CNBD1: variants seen among roughly 807,000 people sequenced by gnomAD.
The protein encoded by CNBD1 is cyclic nucleotide-binding domain-containing protein 1.
A neutral mutation model predicts 54.4 loss-of-function variants in CNBD1; 71 were observed. The observed-to-expected ratio is 1.30, with a 90% CI of 1.08 to 1.59. The LOEUF (loss-of-function observed/expected upper bound fraction) is 1.59, where lower values mean the gene tolerates loss of function less well. Among genes scored for constraint, CNBD1 ranks in the 40% most tolerant of loss-of-function variants. The pLI is 0.00. For missense variants in CNBD1, 659 were observed against 518.0 expected (o/e 1.27, Z -2.64); for synonymous variants, 182 against 170.7 (o/e 1.07, Z -0.51).
intron 3 of CNBD1, among the ~76,000 whole-genome samples, chr8:86,927,117 T>A (rs1809374798): frequency 1.3e-5 from 2 of 152,146 alleles, no homozygotes; most frequent in African/African-American, 4.8e-5. Flanking sequence ...AAGAGGTGTG[T>A]GAGTTTGTTG....
chr8:86,970,071 AT>A, intron 4 of CNBD1, among the ~76,000 whole-genome samples: 1 of 152,134 alleles, frequency 6.6e-6, no homozygotes, highest in African/African-American at 2.4e-5. Flanking sequence ...TGAATATAGA[AT>A]TCTAGTTTGG....
At chr8:87,420,173 G>A (rs1202154630) in intron 2 of CNBD1, among the ~76,000 whole-genome samples, 1 of 151,208 alleles carries the variant, frequency 6.6e-6, no homozygotes, top group Non-Finnish European at 1.5e-5. Flanking sequence ...AATTTTTTTT[G>A]CTCAATGAAC....
Position 87,045,125 on chromosome 8 carries a change from C to A in CNBD1, c.431+105371C>A, listed in dbSNP as rs111531794. Among the ~76,000 whole-genome samples, 35 of 152,210 alleles carry A rather than the reference C, an allele frequency of 2.3e-4. 1 individual carries two copies. Among genetic ancestry groups the A allele is most frequent in the African/African-American group, 8.2e-4 (34 of 41,516 alleles). On this transcript the variant is annotated intron_variant, in intron 4 of 10. Transcript: ENST00000518476. The stretch of plus-strand genomic sequence containing the variant: ...GCTAGGGTTTCTTCTGGGCCTGGTT[C>A]AAAGGTCCTTGGAAGAATGGCATGT...
chr8:86,985,043 G>T (rs936889507), intron 4 of CNBD1, among the ~76,000 whole-genome samples: 4 of 152,086 alleles, frequency 2.6e-5, no homozygotes, highest in African/African-American at 9.7e-5. Context: ...CCAGTGGGAG[G>T]TAATTGAATC....
At chr8:87,316,266 G>T (rs536014469) in intron 8 of CNBD1, among the ~76,000 whole-genome samples, 1 of 151,922 alleles carries the variant, frequency 6.6e-6, no homozygotes, top group Non-Finnish European at 1.5e-5. Context: ...GAGGTGAAGA[G>T]AAATACAATT....
chr8:87,370,051 A>C (rs550565503), intron 10 of CNBD1, among the ~76,000 whole-genome samples: 1 of 152,172 alleles, frequency 6.6e-6, no homozygotes, highest in African/African-American at 2.4e-5. Flanking sequence ...TACAAAGGAC[A>C]TGAACTCATC....
intron 8 of CNBD1, among the ~76,000 whole-genome samples, chr8:87,335,881 C>T (rs1314991421): frequency 6.6e-6 from 1 of 152,196 alleles, no homozygotes; most frequent in African/African-American, 2.4e-5. Flanking sequence ...CCTTCAGGAA[C>T]TCTTGCAAGG....
At chr8:87,236,694 A>G (rs989503711) in intron 5 of CNBD1, among the ~76,000 whole-genome samples, 3 of 152,116 alleles carry the variant, frequency 2.0e-5, no homozygotes, top group Non-Finnish European at 4.4e-5. Flanking sequence ...GATAGCTACT[A>G]TATGTAATTG....
At chr8:87,354,291 G>A (rs1563566522) in intron 10 of CNBD1, among the ~76,000 whole-genome samples, 1 of 152,080 alleles carries the variant, frequency 6.6e-6, no homozygotes, top group Non-Finnish European at 1.5e-5. Flanking sequence ...GCATTCCATT[G>A]CAGCATAAAC....
At chr8:87,003,912 C>A (rs1809042685) in intron 4 of CNBD1, among the ~76,000 whole-genome samples, 1 of 152,146 alleles carries the variant, frequency 6.6e-6, no homozygotes, top group South Asian at 2.1e-4. Context: ...GTACTCTAGT[C>A]TCCTACCAGG....
At chr8:87,254,655 G>A (rs1311244777) in intron 6 of CNBD1, among the ~76,000 whole-genome samples, 2 of 152,092 alleles carry the variant, frequency 1.3e-5, no homozygotes, top group Non-Finnish European at 2.9e-5. Flanking sequence ...TTATTGTTTT[G>A]CAAGTTCTTC....
chr8:87,180,549 T>C (rs1180197282), intron 4 of CNBD1, among the ~76,000 whole-genome samples: 1 of 152,180 alleles, frequency 6.6e-6, no homozygotes, highest in African/African-American at 2.4e-5. Flanking sequence ...TGTCAAAAAG[T>C]AACTCCGGAG....
intron 10 of CNBD1, among the ~76,000 whole-genome samples, chr8:87,371,042 A>C (rs879351306): frequency 1.1e-3 from 171 of 150,464 alleles, no homozygotes; most frequent in Non-Finnish European, 2.1e-3. Flanking sequence ...AGTTGTAGAT[A>C]TGCGGCGTTA....
At chr8:87,065,907 A>G (rs547826916) in intron 4 of CNBD1, among the ~76,000 whole-genome samples, 2 of 151,934 alleles carry the variant, frequency 1.3e-5, no homozygotes, top group East Asian at 1.9e-4. Flanking sequence ...CTTTCCCACT[A>G]CATGGTTGTT....
chr8:86,908,730 A>G (rs1809055097), intron 3 of CNBD1, among the ~76,000 whole-genome samples: 1 of 152,016 alleles, frequency 6.6e-6, no homozygotes, highest in Admixed American at 6.6e-5. Flanking sequence ...AATGATTTCC[A>G]TATTCCAATG....
chr8:87,190,887 G>C (rs6998553), intron 4 of CNBD1, among the ~76,000 whole-genome samples: 18,461 of 122,348 alleles, frequency 0.15, 2,002 homozygotes, highest in African/African-American at 0.23. Context: ...ATACATGTAC[G>C]TATATCTATT....
At chr8:86,949,771 G>A (rs542464286) in intron 4 of CNBD1, among the ~76,000 whole-genome samples, 85 of 151,968 alleles carry the variant, frequency 5.6e-4, no homozygotes, top group African/African-American at 2.0e-3. Context: ...AGTGGTGAAA[G>A]TGGAGATCTT....
At chr8:87,123,018 G>A (rs112057707) in intron 4 of CNBD1, among the ~76,000 whole-genome samples, 1 of 151,690 alleles carries the variant, frequency 6.6e-6, no homozygotes, top group African/African-American at 2.4e-5. Context: ...AGATTGCTTT[G>A]ACTTCAGGAC....
At chr8:87,114,850 C>T (rs1285959296) in intron 4 of CNBD1, among the ~76,000 whole-genome samples, 3 of 152,164 alleles carry the variant, frequency 2.0e-5, no homozygotes, top group Non-Finnish European at 2.9e-5. Flanking sequence ...GACACAAGAA[C>T]ACACATGTTC....
Sources: allele counts gnomAD v4.1 joint callset (sites outside exome capture counted in the v4.1 genomes callset), GRCh38; gene constraint gnomAD v4.1.1; transcripts MANE v1.5; gene names NCBI Gene and HGNC (gene_info 2026-07-23, HGNC 2026-07-21).